Variants in RALYL observed in about 807,000 individuals in gnomAD.
RALYL encodes the protein RNA-binding Raly-like protein.
In RALYL, 29 loss-of-function variants were observed where a neutral mutation model predicts 35.1. That is an observed-to-expected ratio of 0.83 (90% CI 0.61 to 1.13). The LOEUF (loss-of-function observed/expected upper bound fraction) is 1.13. Among genes scored for constraint, RALYL ranks in the 50% most tolerant of loss-of-function variants. RALYL has a pLI of 0.00. For missense variants in RALYL, 359 were observed against 360.4 expected (o/e 1.00, Z 0.03); for synonymous variants, 120 against 127.6 (o/e 0.94, Z 0.40).
chr8:84,742,124 G>A (rs73300125), intron 2 of RALYL, among the ~76,000 whole-genome samples: 3,114 of 152,004 alleles, frequency 0.02, 119 homozygotes, highest in African/African-American at 0.071. Context: ...AGTTTAGGTA[G>A]GGAAACACTG....
intron 2 of RALYL, among the ~76,000 whole-genome samples, chr8:84,659,974 G>A (rs1422778887): frequency 6.6e-6 from 1 of 152,096 alleles, no homozygotes; most frequent in Non-Finnish European, 1.5e-5. Context: ...AGAGGTTTAA[G>A]TATATTATTC....
chr8:84,234,796 G>A lies in RALYL; in HGVS notation c.-24+50372G>A, dbSNP rs1030123077. On this transcript the variant is annotated intron_variant, in intron 1 of 8. Coordinates refer to ENST00000521268, the MANE Select transcript of RALYL (RefSeq NM_173848.7). ...TTTTTTTTTTTTGAGATGGAGTCTC[G>A]CTCTGTAGCCCAGGCTGGAGTGCAA... is the stretch of plus-strand genomic sequence containing the variant. Among the ~76,000 whole-genome samples, 7 of 148,846 alleles carry A rather than the reference G, an allele frequency of 4.7e-5. No homozygotes were observed. In the South Asian group the frequency reaches 6.3e-4, roughly 13 times the overall value.
intron 2 of RALYL, among the ~76,000 whole-genome samples, chr8:84,647,425 A>G (rs1266205395): frequency 2.0e-5 from 3 of 152,072 alleles, no homozygotes; most frequent in African/African-American, 7.2e-5. Context: ...AGGACTGAAT[A>G]AACATGCCTG....
intron 2 of RALYL, among the ~76,000 whole-genome samples, chr8:84,764,815 T>C (rs1813524273): frequency 6.6e-6 from 1 of 152,214 alleles, no homozygotes; most frequent in Non-Finnish European, 1.5e-5. Flanking sequence ...TAACATACTA[T>C]TAAGGACATA....
intron 1 of RALYL, among the ~76,000 whole-genome samples, chr8:84,243,895 C>A (rs574595829): frequency 2.0e-5 from 3 of 152,130 alleles, no homozygotes; most frequent in Non-Finnish European, 4.4e-5. Flanking sequence ...GACATGCACC[C>A]TCTCTTTGGC....
At chr8:84,263,127 T>C (rs1832627592) in intron 1 of RALYL, among the ~76,000 whole-genome samples, 1 of 151,810 alleles carries the variant, frequency 6.6e-6, no homozygotes, top group African/African-American at 2.4e-5. Flanking sequence ...GCAAATAAAA[T>C]AAAGATTAGC....
intron 6 of RALYL, among the ~76,000 whole-genome samples, chr8:84,869,045 G>C (rs1444195808): frequency 1.3e-5 from 2 of 151,898 alleles, no homozygotes; most frequent in African/African-American, 4.8e-5. Context: ...GGACAGATGG[G>C]AGCAGAGCGG....
chr8:84,345,481 A>G (rs1849671196), intron 1 of RALYL, among the ~76,000 whole-genome samples: 1 of 151,944 alleles, frequency 6.6e-6, no homozygotes, highest in Non-Finnish European at 1.5e-5. Context: ...TATACACATT[A>G]CCCTTGCCCC....
chr8:84,887,138 G>A (rs1429646033), intron 7 of RALYL, among the ~76,000 whole-genome samples: 1 of 152,068 alleles, frequency 6.6e-6, no homozygotes, highest in East Asian at 1.9e-4. Flanking sequence ...TCCTCAGTGA[G>A]TTTTTGTCTT....
intron 2 of RALYL, among the ~76,000 whole-genome samples, chr8:84,621,073 G>A (rs990256854): frequency 6.6e-6 from 1 of 152,336 alleles, no homozygotes; most frequent in South Asian, 2.1e-4. Context: ...CAGAGGTGGA[G>A]CCTACAGAGG....
intron 5 of RALYL, among the ~76,000 whole-genome samples, chr8:84,854,912 C>G (rs193251320): frequency 8.8e-4 from 134 of 152,172 alleles, no homozygotes; most frequent in African/African-American, 3.2e-3. Context: ...TGCTGACACC[C>G]AAATCTCTGA....
intron 4 of RALYL, among the ~76,000 whole-genome samples, chr8:84,842,783 C>T (rs1385953366): frequency 6.6e-6 from 1 of 152,146 alleles, no homozygotes; most frequent in Non-Finnish European, 1.5e-5. Flanking sequence ...ATCAAGTGGG[C>T]TTCATCCCTG....
At chr8:84,612,953 T>C (rs1818643489) in intron 2 of RALYL, among the ~76,000 whole-genome samples, 1 of 151,762 alleles carries the variant, frequency 6.6e-6, no homozygotes, top group Non-Finnish European at 1.5e-5. Flanking sequence ...TAGTAAAATT[T>C]ACTGTGCAAA....
At chr8:84,764,687 A>T (rs1813497198) in intron 2 of RALYL, among the ~76,000 whole-genome samples, 1 of 152,228 alleles carries the variant, frequency 6.6e-6, no homozygotes. Flanking sequence ...AACGTGCCAT[A>T]GTGCTGTGTC....
chr8:84,375,959 T>C lies in RALYL; in HGVS notation c.-23-153340T>C, dbSNP rs1469385382. 3.3e-5 allele frequency among the ~76,000 whole-genome samples: 5 copies of C among 151,868 alleles called. No homozygotes were observed. The East Asian group carries it at 9.7e-4, about 29-fold the overall frequency. ...TTCCTTGCAAACTGGTGGACTCAAA[T>C]AAGCAGAATAGAATGAAGCAAGGTA... On this transcript the variant is annotated intron_variant, in intron 1 of 8. Transcript: ENST00000521268.
intron 1 of RALYL, among the ~76,000 whole-genome samples, chr8:84,424,173 A>G (rs1273510117): frequency 4.7e-5 from 7 of 150,046 alleles, no homozygotes; most frequent in Admixed American, 4.0e-4. Flanking sequence ...TCTCCCCATC[A>G]CTTTCAGGTA....
At chr8:84,287,547 C>T (rs970307674) in intron 1 of RALYL, among the ~76,000 whole-genome samples, 1 of 151,720 alleles carries the variant, frequency 6.6e-6, no homozygotes, top group Non-Finnish European at 1.5e-5. Flanking sequence ...ACATGAGAAT[C>T]GAAAGAGGAG....
intron 4 of RALYL, among the ~76,000 whole-genome samples, chr8:84,806,183 C>CA (rs1184037034): frequency 2.0e-5 from 3 of 151,816 alleles, no homozygotes; most frequent in Admixed American, 6.6e-5. Flanking sequence ...ATGTGGAAGA[C>CA]AAAAAATGGA....
chr8:84,190,223 A>G (rs1813532670), intron 1 of RALYL, among the ~76,000 whole-genome samples: 1 of 152,224 alleles, frequency 6.6e-6, no homozygotes, highest in South Asian at 2.1e-4. Context: ...GTCTACCAAC[A>G]TCTCACCATC....
Sources: gnomAD v4.1 joint callset for allele counts (sites outside exome capture counted in the v4.1 genomes callset) on GRCh38, gnomAD v4.1.1 for gene constraint, MANE v1.5 for transcripts, NCBI Gene and HGNC (gene_info 2026-07-23, HGNC 2026-07-21) for gene names.